KDM3A: variants seen among roughly 807,000 people sequenced by gnomAD.
KDM3A encodes the protein lysine demethylase 3A.
KDM3A carries 60 observed loss-of-function variants against 158.0 expected under a neutral mutation model. The ratio of observed to expected loss-of-function variants is 0.38; its 90% CI spans 0.31 to 0.47. KDM3A has a LOEUF of 0.47. Ranked by LOEUF, KDM3A falls within the 20% of genes least tolerant of loss-of-function variation. The pLI, the probability that KDM3A is intolerant of heterozygous loss-of-function variation, is 0.99. For synonymous variants in KDM3A, 608 were observed against 549.3 expected, an observed-to-expected ratio of 1.11 and a Z score of -1.49; for missense variants, 1,319 against 1,574.3, an observed-to-expected ratio of 0.84 and a Z score of 2.74.
At chr2:86,474,742 T>TGTGTAAA in intron 11 of KDM3A, 34 bp from the exon 12 acceptor site, 18 of 1,083,098 alleles carry the variant, frequency 1.7e-5, no homozygotes, top group Non-Finnish European at 2.1e-5. Flanking sequence ...TGTGTGTGTG[T>TGTGTAAA]ACATTACATC....
At chr2:86,479,893 A>G (rs1441647884) in intron 15 of KDM3A, 2 of 413,604 alleles carry the variant, frequency 4.8e-6, no homozygotes, top group South Asian at 2.9e-5. Flanking sequence ...AGCATGGTAC[A>G]TAGAGTAATA....
intron 8 of KDM3A, among the ~76,000 whole-genome samples, chr2:86,461,967 C>G (rs772980767): frequency 6.6e-6 from 1 of 152,040 alleles, no homozygotes; most frequent in Admixed American, 6.6e-5. Flanking sequence ...AGTGGACTGC[C>G]GTGATCTTAT....
In KDM3A at chr2:86,464,078, A is replaced by G. The variant is rs754578416; in HGVS notation, c.869A>G (p.Gln290Arg). 2 of 1,610,030 alleles carry G rather than the reference A, an allele frequency of 1.2e-6. No homozygotes were observed. The highest frequency in any genetic ancestry group is 3.3e-5 in the Admixed American group (2 of 59,708). ...GCCTCTCCCAGTATGTGTCCTGTGC[A>G]GTCTGTACCTACAACAGTTTTTAAG... ...SEASPSMCPVQSVPTTVFKEI... is the reference protein window; with the variant it reads ...SEASPSMCPVRSVPTTVFKEI... Residue 290 changes from glutamine to arginine, a missense_variant, in exon 9 of 26, where the codon CAG becomes CGG. Gln to Arg is a conservative substitution (Grantham distance 43). Coordinates refer to ENST00000312912, the MANE Select transcript of KDM3A (RefSeq NM_018433.6).
At position 86,441,399 on chromosome 2, in the gene KDM3A, T is replaced by A. The variant is rs935764442; in HGVS notation, c.-76T>A. The stretch of plus-strand genomic sequence containing the variant: ...TCAGCGCTGGAGTCGGCTAGGCGGC[T>A]GGAAACGGCGGCTGCCGCCGGTGAC... On this transcript the variant is annotated 5_prime_UTR_variant, in exon 1 of 26. Coordinates refer to ENST00000312912, the MANE Select transcript of KDM3A (RefSeq NM_018433.6). 1.3e-5 allele frequency: 2 copies of A among 152,334 alleles called. No homozygotes were observed. Among genetic ancestry groups the A allele is most frequent in the Non-Finnish European group, 2.9e-5 (2 of 68,166 alleles). 9.4% of individuals were successfully genotyped at this position (152,334 alleles called of 1,614,324 possible).
intron 2 of KDM3A, among the ~76,000 whole-genome samples, chr2:86,448,609 GGTTT>G (rs1010442910): frequency 2.0e-5 from 3 of 152,116 alleles, no homozygotes; most frequent in African/African-American, 7.2e-5. Context: ...GGTAAGGGAA[GGTTT>G]GTTTGAGGAA....
At chr2:86,455,324 C>CTA in intron 5 of KDM3A, 137 bp downstream of exon 5, 2 of 569,088 alleles carry the variant, frequency 3.5e-6, no homozygotes, top group South Asian at 4.6e-5. Context: ...CAGTCTAGTT[C>CTA]CTAGGCTGGA....
rs150326959 is a variant in KDM3A, at chr2:86,485,749, A to T, written c.3203A>T (p.Asn1068Ile). Reference sequence around the variant, plus strand: ...TCTAGGTTTGATGATCTGATGGCCAACATTCCACTGCCCGAGTACACAAGG... The same window carrying T: ...TCTAGGTTTGATGATCTGATGGCCATCATTCCACTGCCCGAGTACACAAGG... Reference protein sequence around the residue: ...MPSRFDDLMANIPLPEYTRRD... With the variant: ...MPSRFDDLMAIIPLPEYTRRD... The change falls in exon 21 of 26, where the codon AAC becomes ATC. Residue 1068 changes from asparagine (N) to isoleucine (I), a missense_variant. Asn to Ile is a moderately radical substitution (Grantham distance 149). Transcript: ENST00000312912. The T allele has an allele frequency of 1.2e-5, 19 of 1,614,084 alleles. No individual in the cohort carries two copies. In the African/African-American group the frequency reaches 2.3e-4, roughly 19 times the overall value.
chr2:86,438,400 G>A (rs76241175), upstream of KDM3A, among the ~76,000 whole-genome samples: 2,195 of 152,132 alleles, frequency 0.014, 69 homozygotes, highest in African/African-American at 0.051. Context: ...AGTTAGACAG[G>A]AGGAATAAGT....
intron 8 of KDM3A, among the ~76,000 whole-genome samples, chr2:86,462,473 A>G (rs975396939): frequency 6.6e-6 from 1 of 152,182 alleles, no homozygotes; most frequent in Non-Finnish European, 1.5e-5. Flanking sequence ...TATTACAAGC[A>G]AAAGGGACTT....
chr2:86,485,697 A>T (rs72932311), intron 20 of KDM3A, 32 bp from the exon 21 acceptor site: 241,354 of 1,605,936 alleles, frequency 0.15, 20,783 homozygotes, highest in African/African-American at 0.32. Flanking sequence ...AAAGCAATCT[A>T]ACTTTGCAAA....
At chr2:86,487,897 C>T (rs79303243) in intron 21 of KDM3A, 6,436 of 152,242 alleles carry the variant, frequency 0.042, 218 homozygotes, top group African/African-American at 0.089. Context: ...TTTCCTTGCT[C>T]GTTTTGCACT....
At chr2:86,487,541 G>T (rs1406980504) in intron 21 of KDM3A, 2 of 152,176 alleles carry the variant, frequency 1.3e-5, no homozygotes, top group African/African-American at 4.8e-5. Flanking sequence ...AGTAGAAGGG[G>T]CATTGACTTG....
At chr2:86,448,711 A>C (rs2104627495) in intron 2 of KDM3A, among the ~76,000 whole-genome samples, 1 of 152,346 alleles carries the variant, frequency 6.6e-6, no homozygotes, top group East Asian at 1.9e-4. Context: ...TGTCTGTAAA[A>C]TGATGAACAG....
rs771116164 is a variant in KDM3A at position 86,449,982 on chromosome 2, A to T, written c.342+20A>T. The T allele has an allele frequency of 8.6e-5, 137 of 1,600,638 alleles. No homozygotes were observed. Among genetic ancestry groups the T allele is most frequent in the Non-Finnish European group, 1.1e-4 (129 of 1,174,330 alleles). On this transcript the variant is annotated intron_variant, in intron 3 of 25. Coordinates refer to ENST00000312912, the MANE Select transcript of KDM3A (RefSeq NM_018433.6). The stretch of plus-strand genomic sequence containing the variant: ...GCAATAGTGAGTAAAACTTGGGCTT[A>T]TTGAACTCCTGAGAAGAGGGCATTT...
chr2:86,478,744 T>C lies in KDM3A; in HGVS notation c.2316+9T>C, dbSNP rs1011133298. 1 of 1,611,172 alleles carries C rather than the reference T, an allele frequency of 6.2e-7. No individual in the cohort carries two copies. The highest frequency in any genetic ancestry group is 8.5e-7 in the Non-Finnish European group (1 of 1,178,570). ...AGGAAGACCTAAAACAGGTATTTAC[T>C]GCTTATGTTAAATTCAACATCTCTT... On this transcript the variant is annotated intron_variant, in intron 15 of 25. Transcript: ENST00000312912.
Position 86,470,195 on chromosome 2 carries a change from T to A in KDM3A, c.1520-9T>A. 6.2e-7 allele frequency: 1 copy of A among 1,613,338 alleles called. No homozygotes were observed. The highest frequency in any genetic ancestry group is 2.2e-5 in the East Asian group (1 of 44,872). Reference sequence around the variant, plus strand: ...GAGGTCCTGTCTCCTTAATCTTTTGTTTTCCTAGCCCCATCCAGGAAGTCG... The same window carrying A: ...GAGGTCCTGTCTCCTTAATCTTTTGATTTCCTAGCCCCATCCAGGAAGTCG... On this transcript the variant is annotated splice_polypyrimidine_tract_variant and intron_variant, in intron 10 of 25. Transcript: ENST00000312912.
chr2:86,489,498 C>G, intron 22 of KDM3A, 22 bp from the exon 23 acceptor site: 1 of 1,611,528 alleles, frequency 6.2e-7, no homozygotes, highest in Non-Finnish European at 8.5e-7. Context: ...GGTCTGATAT[C>G]TGCTTTCTCT....
chr2:86,461,880 A>T (rs1191290980), intron 8 of KDM3A, among the ~76,000 whole-genome samples: 1 of 152,154 alleles, frequency 6.6e-6, no homozygotes, highest in Non-Finnish European at 1.5e-5. Context: ...ACTGTGAGCA[A>T]GCGGGGCAGT....
chr2:86,472,381 G>T (rs1673459122), intron 11 of KDM3A, among the ~76,000 whole-genome samples: 1 of 151,792 alleles, frequency 6.6e-6, no homozygotes, highest in African/African-American at 2.4e-5. Flanking sequence ...GAAGATTGAG[G>T]CTGTCATTAG....
Sources: gnomAD v4.1 joint callset for allele counts (sites outside exome capture counted in the v4.1 genomes callset) on GRCh38, gnomAD v4.1.1 for gene constraint, MANE v1.5 for transcripts, NCBI Gene and HGNC (gene_info 2026-07-23, HGNC 2026-07-21) for gene names.